The following SHANK1 variants were observed in gnomAD, a reference collection of about 807,000 sequenced individuals.
The protein encoded by SHANK1 is SH3 and multiple ankyrin repeat domains protein 1.
SHANK1 carries 35 observed loss-of-function variants against 165.6 expected under a neutral mutation model. That is an observed-to-expected ratio of 0.21 (90% CI 0.16 to 0.28). SHANK1 has a LOEUF of 0.28. SHANK1 is among the 10% of genes least tolerant of loss of function. The pLI, the probability that SHANK1 is intolerant of heterozygous loss-of-function variation, is 1.00. For synonymous variants in SHANK1, 1,428 were observed against 1,384.8 expected, an observed-to-expected ratio of 1.03 and a Z score of -0.69; for missense variants, 2,681 against 3,036.4, an observed-to-expected ratio of 0.88 and a Z score of 2.75.
chr19:50,685,877 G>A (rs1986315972), intron 21 of SHANK1, among the ~76,000 whole-genome samples: 4 of 152,122 alleles, frequency 2.6e-5, no homozygotes, highest in Admixed American at 2.0e-4. Flanking sequence ...TAAGTACTAC[G>A]TGTTGGGTAT....
At position 50,686,398 on chromosome 19, in the gene SHANK1, G is replaced by T; in HGVS notation, c.2459-43C>A. 4.3e-6 allele frequency: 6 copies of T among 1,409,334 alleles called. No homozygotes were observed. The highest frequency in any genetic ancestry group is 5.9e-6 in the Non-Finnish European group (6 of 1,023,480). 87.3% of individuals were successfully genotyped at this position (1,409,334 alleles called of 1,614,324 possible). A position where few individuals can be genotyped will look rare whatever the true frequency, so the allele number is the denominator to read the frequency against. ...AACAGAGGTGGGAAGACAATGAAAT[G>T]AAGTTTGCTTTGACCCGGGCCGCAA... On this transcript the variant is annotated intron_variant, in intron 20 of 23. Coordinates refer to ENST00000293441, the MANE Select transcript of SHANK1 (RefSeq NM_016148.5). The surrounding 1 kb of genome is among the most constrained non-coding windows in gnomAD (Gnocchi z 5.7).
intron 8 of SHANK1, among the ~76,000 whole-genome samples, chr19:50,705,754 G>A (rs540929475): frequency 2.6e-5 from 4 of 152,280 alleles, no homozygotes; most frequent in African/African-American, 4.8e-5. Context: ...ACCATGTTAC[G>A]TGCCAGGCGC....
Position 50,718,312 on chromosome 19 carries a change from C to T in SHANK1, c.-44+1094G>A, listed in dbSNP as rs1358909246. Among the ~76,000 whole-genome samples, 1 of 152,094 alleles carries T rather than the reference C, an allele frequency of 6.6e-6. No homozygotes were observed. Among genetic ancestry groups the T allele is most frequent in the Non-Finnish European group, 1.5e-5 (1 of 67,972 alleles). On this transcript the variant is annotated intron_variant, in intron 1 of 23. Coordinates refer to ENST00000293441, the MANE Select transcript of SHANK1 (RefSeq NM_016148.5). The surrounding 1 kb of genome is among the most constrained non-coding windows in gnomAD (Gnocchi z 5.1). ...CACCTCGTCCCTGCGGAGACCCCGGCTGCCTCCTCCCTGCCCCGCCGCACA... is the reference window on the plus strand; with the variant it reads ...CACCTCGTCCCTGCGGAGACCCCGGTTGCCTCCTCCCTGCCCCGCCGCACA...
chr19:50,714,346 C>CA (rs1441481932), intron 4 of SHANK1, 56 bp from the exon 5 acceptor site: 9 of 1,495,752 alleles, frequency 6.0e-6, no homozygotes, highest in Non-Finnish European at 8.3e-6. Flanking sequence ...GGCAGAGAAG[C>CA]AGGGTCCTCA....
At chr19:50,709,257 G>T (rs910476938) in intron 8 of SHANK1, among the ~76,000 whole-genome samples, 4 of 152,016 alleles carry the variant, frequency 2.6e-5, no homozygotes, top group Admixed American at 6.6e-5. Flanking sequence ...TCCTGTCTCA[G>T]CCTCCCGAGT....
Position 50,660,150 on chromosome 19 carries a change from C to G in SHANK1, c.*1815G>C, listed in dbSNP as rs921086621. 6.6e-6 allele frequency among the ~76,000 whole-genome samples: 1 copy of G among 151,202 alleles called. No individual in the cohort carries two copies. Among genetic ancestry groups the G allele is most frequent in the Non-Finnish European group, 1.5e-5 (1 of 67,624 alleles). On this transcript the variant is annotated 3_prime_UTR_variant, in exon 24 of 24. Transcript: ENST00000293441. ...GGGACCTGAGGGCAACGCCCTCCCC[C>G]CTTTACCCACAGCAGGGGAGGGGGC...
rs2089073520 is a variant in SHANK1 at position 50,716,717 on chromosome 19, G to T, written c.203C>A (p.Ala68Asp). 6.2e-7 allele frequency: 1 copy of T among 1,602,922 alleles called. No homozygotes were observed. The highest frequency in any genetic ancestry group is 8.5e-7 in the Non-Finnish European group (1 of 1,174,906). ...QGRSMSVPDDAHFSMMVFRIG... is the reference protein window; with the variant it reads ...QGRSMSVPDDDHFSMMVFRIG... ...CCTGAAGACCATCATGCTGAAGTGG[G>T]CGTCGTCTGGGACGGACATTGAGCG... The change falls in exon 2 of 24, where the codon GCC becomes GAC. Residue 68 changes from alanine to aspartate, a missense_variant. Physicochemically the swap from Ala to Asp is moderately radical, Grantham distance 126. Coordinates refer to ENST00000293441, the MANE Select transcript of SHANK1 (RefSeq NM_016148.5). The surrounding 1 kb of genome is among the most constrained non-coding windows in gnomAD (Gnocchi z 8.4).
chr19:50,678,454 G>T lies in SHANK1; in HGVS notation c.2578-6340C>A, dbSNP rs189113047. ...GGCCAGAGGGAGAGGCGAGGGTCAG[G>T]TGACAGGTGAGGGTGAAGGTGATGA... On this transcript the variant is annotated intron_variant, in intron 21 of 23. Transcript: ENST00000293441. Among the ~76,000 whole-genome samples the T allele has an allele frequency of 4.3e-3, 659 of 151,934 alleles. 10 individuals are homozygous for T. Among genetic ancestry groups the T allele is most frequent in the African/African-American group, 0.015 (631 of 41,440 alleles).
At chr19:50,709,621 C>G (rs918822749) in intron 8 of SHANK1, among the ~76,000 whole-genome samples, 4 of 152,078 alleles carry the variant, frequency 2.6e-5, no homozygotes, top group Admixed American at 1.3e-4. Flanking sequence ...ATGATCATAG[C>G]TCACTGCAGC....
At chr19:50,689,552 G>A (rs571493534) in intron 15 of SHANK1, 10 of 605,554 alleles carry the variant, frequency 1.7e-5, no homozygotes, top group Admixed American at 6.6e-5. Context: ...CACCAGGCAC[G>A]GTGGGGAGGA....
intron 23 of SHANK1, among the ~76,000 whole-genome samples, 168 bp downstream of exon 23, chr19:50,666,024 G>GAAAAA (rs111296421): frequency 1.6e-5 from 2 of 124,478 alleles, no homozygotes; most frequent in Non-Finnish European, 3.5e-5. Context: ...GAAAAGAAAA[G>GAAAAA]AAAAAAAAAA....
chr19:50,685,976 C>T (rs895426081), intron 21 of SHANK1, among the ~76,000 whole-genome samples: 2 of 151,678 alleles, frequency 1.3e-5, no homozygotes, highest in African/African-American at 2.4e-5. Context: ...CACAAAGAGG[C>T]GGGGCAAGAG....
At chr19:50,706,888 C>G (rs1481375969) in intron 8 of SHANK1, among the ~76,000 whole-genome samples, 1 of 152,124 alleles carries the variant, frequency 6.6e-6, no homozygotes, top group Non-Finnish European at 1.5e-5. Flanking sequence ...AGCGATTCTC[C>G]TGCCTCAGCC....
chr19:50,713,424 G>T lies in SHANK1; in HGVS notation c.792+374C>A, dbSNP rs2123201657. Among the ~76,000 whole-genome samples, 1 of 152,098 alleles carries T rather than the reference G, an allele frequency of 6.6e-6. No individual in the cohort carries two copies. The highest frequency in any genetic ancestry group is 1.9e-4 in the East Asian group (1 of 5,172). ...GGGGGGCTGTTTTCAGGGTGTGTGTGGAGGGGCTCTATCTGGGGGCATAGC... is the reference window on the plus strand; with the variant it reads ...GGGGGGCTGTTTTCAGGGTGTGTGTTGAGGGGCTCTATCTGGGGGCATAGC... On this transcript the variant is annotated intron_variant, in intron 6 of 23. Transcript: ENST00000293441. This position sits in a 1 kb window ranked among gnomAD's most constrained non-coding sequence, Gnocchi z 6.2.
intron 11 of SHANK1, among the ~76,000 whole-genome samples, chr19:50,703,007 C>T (rs1454895542): frequency 6.6e-6 from 1 of 152,200 alleles, no homozygotes; most frequent in African/African-American, 2.4e-5. Context: ...TCCAACTCCT[C>T]TGCCCGCCGT....
At position 50,666,319 on chromosome 19, in the gene SHANK1, ACTG is replaced by A; in HGVS notation, c.5638_5640del (p.Gln1880del). 1 of 1,613,368 alleles carries A rather than the reference ACTG, an allele frequency of 6.2e-7. No homozygotes were observed. The highest frequency in any genetic ancestry group is 8.5e-7 in the Non-Finnish European group (1 of 1,179,812). ...CCGCCAGCTGCCGAGGAGCCCCCAA[ACTG>A]CTGAAGCTTGGAGCTGAGTTCACTG... is the stretch of plus-strand genomic sequence containing the variant. On this transcript the variant is annotated inframe_deletion, in exon 23 of 24. Transcript: ENST00000293441.
At chr19:50,693,601 C>T (rs991488580) in intron 15 of SHANK1, among the ~76,000 whole-genome samples, 4 of 150,320 alleles carry the variant, frequency 2.7e-5, no homozygotes, top group African/African-American at 9.8e-5. Context: ...CTCTCACACA[C>T]CCAGGGTCCG....
chr19:50,715,005 A>G (rs2089053737), intron 4 of SHANK1, among the ~76,000 whole-genome samples: 1 of 151,996 alleles, frequency 6.6e-6, no homozygotes, highest in South Asian at 2.1e-4. Context: ...TTAGGGGAGG[A>G]AAGAGTTCAA....
intron 19 of SHANK1, chr19:50,687,159 C>T (rs1174157921): frequency 1.1e-5 from 6 of 549,790 alleles, no homozygotes; most frequent in Non-Finnish European, 1.9e-5. Context: ...GTCAGCTGTC[C>T]GACCAGCCCC....
Sources: gnomAD v4.1 joint callset for allele counts (sites outside exome capture counted in the v4.1 genomes callset) on GRCh38, gnomAD v4.1.1 for gene constraint, Gnocchi (gnomAD v3.1) non-coding constraint, MANE v1.5 for transcripts, NCBI Gene and HGNC (gene_info 2026-07-23, HGNC 2026-07-21) for gene names.